PPM1H: variants seen among roughly 807,000 people sequenced by gnomAD.
PPM1H encodes the protein protein phosphatase 1H.
PPM1H carries 27 observed loss-of-function variants against 54.9 expected under a neutral mutation model. That is an observed-to-expected ratio of 0.49 (90% CI 0.36 to 0.68). The LOEUF is 0.68. Among genes scored for constraint, PPM1H ranks in the 30% least tolerant of loss-of-function variants. The pLI, the probability that PPM1H is intolerant of heterozygous loss-of-function variation, is 0.00. For missense variants in PPM1H, 596 were observed against 667.8 expected, an observed-to-expected ratio of 0.89 and a Z score of 1.19; for synonymous variants, 305 against 270.8, an observed-to-expected ratio of 1.13 and a Z score of -1.24.
At chr12:62,699,729 T>A (rs1208348664) in intron 6 of PPM1H, among the ~76,000 whole-genome samples, 1 of 152,234 alleles carries the variant, frequency 6.6e-6, no homozygotes, top group Non-Finnish European at 1.5e-5. Flanking sequence ...GCAACTTAAC[T>A]GAACCATTAT....
At chr12:62,763,454 T>C (rs1227138018) in intron 4 of PPM1H, among the ~76,000 whole-genome samples, 1 of 152,216 alleles carries the variant, frequency 6.6e-6, no homozygotes, top group Admixed American at 6.5e-5. Context: ...ATCACCTGCT[T>C]TGCATGCAGC....
At chr12:62,658,157 G>A (rs2075857000) in intron 9 of PPM1H, among the ~76,000 whole-genome samples, 1 of 141,930 alleles carries the variant, frequency 7.0e-6, no homozygotes, top group South Asian at 2.4e-4. Context: ...AGGATTGCTT[G>A]AGACCAGCCT....
chr12:62,772,683 G>A (rs1229851924), intron 4 of PPM1H, among the ~76,000 whole-genome samples: 2 of 152,054 alleles, frequency 1.3e-5, no homozygotes, highest in Non-Finnish European at 2.9e-5. Context: ...CCTTATGAAG[G>A]GATTCTGGAA....
At chr12:62,658,949 A>T in intron 9 of PPM1H, 1 of 700,812 alleles carries the variant, frequency 1.4e-6, no homozygotes, top group South Asian at 1.4e-5. Flanking sequence ...TACTGACAAC[A>T]GGGCTCATAG....
At chr12:62,846,550 T>G (rs1219494694) in intron 1 of PPM1H, among the ~76,000 whole-genome samples, 2 of 151,726 alleles carry the variant, frequency 1.3e-5, no homozygotes, top group Non-Finnish European at 1.5e-5. Flanking sequence ...ACCATATCAG[T>G]GTCTTCCTGA....
intron 8 of PPM1H, among the ~76,000 whole-genome samples, chr12:62,681,825 C>G (rs2076020379): frequency 6.6e-6 from 1 of 152,104 alleles, no homozygotes; most frequent in South Asian, 2.1e-4. Flanking sequence ...ACTCATGATA[C>G]CTATGGAAAG....
intron 9 of PPM1H, among the ~76,000 whole-genome samples, chr12:62,649,199 GGT>G (rs1050183820): frequency 3.0e-5 from 3 of 100,774 alleles, no homozygotes; most frequent in African/African-American, 1.1e-4. Context: ...GAAGTTTTTT[GGT>G]TTTTTTTTTT....
At chr12:62,916,676 T>C (rs934589679) in intron 1 of PPM1H, among the ~76,000 whole-genome samples, 1 of 152,124 alleles carries the variant, frequency 6.6e-6, no homozygotes, top group Non-Finnish European at 1.5e-5. Context: ...TTAAATGAAT[T>C]GTACTTAAAT....
chr12:62,766,611 T>C (rs2076545373), intron 4 of PPM1H, among the ~76,000 whole-genome samples: 5 of 152,014 alleles, frequency 3.3e-5, no homozygotes, highest in Non-Finnish European at 7.4e-5. Flanking sequence ...TTTTCCTAAA[T>C]TGCATATGAG....
intron 1 of PPM1H, among the ~76,000 whole-genome samples, chr12:62,861,826 T>C (rs1424865780): frequency 2.0e-5 from 3 of 152,306 alleles, no homozygotes; most frequent in Admixed American, 1.3e-4. Flanking sequence ...AGGGGCAGCT[T>C]GTACACAGCT....
intron 5 of PPM1H, among the ~76,000 whole-genome samples, chr12:62,728,855 A>C (rs1186020055): frequency 6.6e-6 from 1 of 152,222 alleles, no homozygotes. Flanking sequence ...CCAGCCTGCC[A>C]GTGGACACAA....
intron 4 of PPM1H, among the ~76,000 whole-genome samples, chr12:62,758,222 T>C (rs1443178265): frequency 1.3e-5 from 2 of 152,238 alleles, no homozygotes; most frequent in Non-Finnish European, 2.9e-5. Context: ...GAAATCAACA[T>C]CTTCATTTGG....
chr12:62,720,297 C>T lies in PPM1H; in HGVS notation c.955-8G>A. On this transcript the variant is annotated splice_region_variant and splice_polypyrimidine_tract_variant and intron_variant, in intron 5 of 9. Coordinates refer to ENST00000228705, the MANE Select transcript of PPM1H (RefSeq NM_020700.2). ...GTGAGGCTGCATGAATGCCTAATAG[C>T]AAAAAGAAAAAGAAAAAACACACAC... 1 of 1,584,186 alleles carries T rather than the reference C, an allele frequency of 6.3e-7. No homozygotes were observed. The highest frequency in any genetic ancestry group is 8.7e-7 in the Non-Finnish European group (1 of 1,155,260).
intron 1 of PPM1H, among the ~76,000 whole-genome samples, chr12:62,931,628 G>C (rs927234408): frequency 1.3e-5 from 2 of 152,198 alleles, no homozygotes; most frequent in African/African-American, 4.8e-5. Context: ...TGTAGAGAAC[G>C]AGTTTGGTGT....
intron 4 of PPM1H, among the ~76,000 whole-genome samples, chr12:62,785,880 G>C (rs971281481): frequency 1.3e-5 from 2 of 151,034 alleles, no homozygotes; most frequent in African/African-American, 2.4e-5. Flanking sequence ...AAAAAAAAGA[G>C]AGAAAAAGGC....
chr12:62,763,338 G>A (rs1056211233), intron 4 of PPM1H, among the ~76,000 whole-genome samples: 13 of 152,138 alleles, frequency 8.5e-5, no homozygotes, highest in Middle Eastern at 3.2e-3. Context: ...GCCATCAACC[G>A]CACACCATGC....
Position 62,673,715 on chromosome 12 carries a change from C to CTTTTT in PPM1H, c.1246-6391_1246-6387dup, listed in dbSNP as rs567775927. Reference sequence around the variant, plus strand: ...GCTTTGTGACTTGAGAAGAGCCACTCTTTTTTTTTTTTTTTTTTTTTTTTT... The same window carrying CTTTTT: ...GCTTTGTGACTTGAGAAGAGCCACTCTTTTTTTTTTTTTTTTTTTTTTTTTTTTTT... On this transcript the variant is annotated intron_variant, in intron 8 of 9. Transcript: ENST00000228705. Among the ~76,000 whole-genome samples, 233 of 41,942 alleles carry CTTTTT rather than the reference C, an allele frequency of 5.6e-3. 55 individuals are homozygous for CTTTTT. Among genetic ancestry groups the CTTTTT allele is most frequent in the South Asian group, 0.014 (9 of 652 alleles). 27.5% of individuals were successfully genotyped at this position (41,942 alleles called of 152,430 possible).
intron 1 of PPM1H, among the ~76,000 whole-genome samples, chr12:62,891,931 T>G (rs1454852710): frequency 6.6e-6 from 1 of 152,206 alleles, no homozygotes; most frequent in Non-Finnish European, 1.5e-5. Flanking sequence ...TGTGCATGTG[T>G]ATGTGCAGGC....
In PPM1H at chr12:62,667,332, G is replaced by T; in HGVS notation, c.1246-3C>A. On this transcript the variant is annotated splice_polypyrimidine_tract_variant and splice_region_variant and intron_variant, in intron 8 of 9. Coordinates refer to ENST00000228705, the MANE Select transcript of PPM1H (RefSeq NM_020700.2). Reference sequence around the variant, plus strand: ...TTTGAAAGATCGTAGATTCTTACCTGAAAAAAAACAAGAATACTACCACTT... The same window carrying T: ...TTTGAAAGATCGTAGATTCTTACCTTAAAAAAAACAAGAATACTACCACTT... 1 of 1,561,982 alleles carries T rather than the reference G, an allele frequency of 6.4e-7. No homozygotes were observed. Among genetic ancestry groups the T allele is most frequent in the Non-Finnish European group, 8.7e-7 (1 of 1,153,568 alleles).
Sources: allele counts gnomAD v4.1 joint callset (sites outside exome capture counted in the v4.1 genomes callset), GRCh38; gene constraint gnomAD v4.1.1; transcripts MANE v1.5; gene names NCBI Gene and HGNC (gene_info 2026-07-23, HGNC 2026-07-21).